Variants in SH3PXD2A observed in about 807,000 individuals in gnomAD.
SH3PXD2A encodes SH3 and PX domains 2A.
SH3PXD2A carries 32 observed loss-of-function variants against 115.2 expected under a neutral mutation model. That is an observed-to-expected ratio of 0.28 (90% CI 0.21 to 0.37). The LOEUF (loss-of-function observed/expected upper bound fraction) is 0.37, where lower values mean the gene tolerates loss of function less well. Among genes scored for constraint, SH3PXD2A ranks in the 10% least tolerant of loss-of-function variants. SH3PXD2A has a pLI of 1.00. For synonymous variants in SH3PXD2A, 610 were observed against 629.1 expected (o/e 0.97, Z 0.45); for missense variants, 1,328 against 1,498.7 (o/e 0.89, Z 1.88).
chr10:103,700,367 A>G (rs1320233668), intron 5 of SH3PXD2A, among the ~76,000 whole-genome samples: 1 of 152,210 alleles, frequency 6.6e-6, no homozygotes, highest in Non-Finnish European at 1.5e-5. Flanking sequence ...GGCCCATGGA[A>G]AGGACCCGTA....
At chr10:103,743,999 G>C (rs184778592) in intron 3 of SH3PXD2A, among the ~76,000 whole-genome samples, 206 of 152,254 alleles carry the variant, frequency 1.4e-3, no homozygotes, top group African/African-American at 4.7e-3. Context: ...GGAGAAGAAC[G>C]GCGGAACAGC....
chr10:103,625,864 T>G (rs2036683862), intron 9 of SH3PXD2A, among the ~76,000 whole-genome samples: 1 of 152,212 alleles, frequency 6.6e-6, no homozygotes, highest in Non-Finnish European at 1.5e-5. Flanking sequence ...CACTTCAGCC[T>G]AGGAGACAGA....
At chr10:103,771,955 G>A (rs559508200) in intron 2 of SH3PXD2A, among the ~76,000 whole-genome samples, 1 of 152,216 alleles carries the variant, frequency 6.6e-6, no homozygotes, top group South Asian at 2.1e-4. Context: ...GCAGAGCCCC[G>A]GAGCTGCTCT....
chr10:103,724,262 T>C lies in SH3PXD2A; in HGVS notation c.398+8A>G. The C allele has an allele frequency of 6.5e-7, 1 of 1,530,800 alleles. No homozygotes were observed. The highest frequency in any genetic ancestry group is 8.8e-7 in the Non-Finnish European group (1 of 1,130,032). The allele number at this position is 1,530,800 out of a possible 1,614,324, so 94.8% of individuals were successfully genotyped here. On this transcript the variant is annotated splice_region_variant and intron_variant, in intron 5 of 14. Coordinates refer to ENST00000369774, the MANE Select transcript of SH3PXD2A (RefSeq NM_001394015.1). ...CAGCACACAGGAGAGGCCTGAGCTA[T>C]TACTTACTCTTTTGGAGGGTTGACA...
intron 4 of SH3PXD2A, among the ~76,000 whole-genome samples, chr10:103,733,969 C>A (rs1420680755): frequency 1.3e-5 from 2 of 151,964 alleles, no homozygotes; most frequent in Non-Finnish European, 2.9e-5. Context: ...GCTACCCAGG[C>A]TGGTCTCAAA....
intron 8 of SH3PXD2A, among the ~76,000 whole-genome samples, chr10:103,642,485 CT>C (rs2036970092): frequency 1.3e-5 from 2 of 152,180 alleles, no homozygotes; most frequent in African/African-American, 2.4e-5. Flanking sequence ...AGATCCTCCC[CT>C]GTATCATGGT....
intron 4 of SH3PXD2A, among the ~76,000 whole-genome samples, chr10:103,730,675 A>G (rs2038305727): frequency 6.6e-6 from 1 of 152,080 alleles, no homozygotes; most frequent in Admixed American, 6.6e-5. Flanking sequence ...AGTTTTGTCT[A>G]CTTGTGATCT....
intron 1 of SH3PXD2A, among the ~76,000 whole-genome samples, chr10:103,803,384 T>C (rs2039166453): frequency 6.6e-6 from 1 of 152,244 alleles, no homozygotes; most frequent in Admixed American, 6.5e-5. Flanking sequence ...TGATACATTG[T>C]AAAACCATTT....
At position 103,674,684 on chromosome 10, in the gene SH3PXD2A, G is replaced by C. The variant is rs144629346; in HGVS notation, c.428-6032C>G. On this transcript the variant is annotated intron_variant, in intron 6 of 14. Coordinates refer to ENST00000369774, the MANE Select transcript of SH3PXD2A (RefSeq NM_001394015.1). Reference sequence around the variant, plus strand: ...AAAATACAAAAATTAGCCAGGCGTGGTGGTGTATGCCTGTAATCCCAGCTA... The same window carrying C: ...AAAATACAAAAATTAGCCAGGCGTGCTGGTGTATGCCTGTAATCCCAGCTA... 2.4e-3 allele frequency among the ~76,000 whole-genome samples: 363 copies of C among 152,222 alleles called. 2 individuals are homozygous for C. The highest frequency in any genetic ancestry group is 8.5e-3 in the African/African-American group (351 of 41,532).
chr10:103,613,322 C>G (rs2036459211), intron 11 of SH3PXD2A, 132 bp from the exon 12 acceptor site: 1 of 659,500 alleles, frequency 1.5e-6, no homozygotes, highest in African/African-American at 1.8e-5. Flanking sequence ...GGCAATCCCA[C>G]TACTCTGGAG....
Position 103,594,559 on chromosome 10 carries a change from A to G in SH3PXD2A, c.*7257T>C, listed in dbSNP as rs1441551901. 6.6e-6 allele frequency: 1 copy of G among 152,258 alleles called. No homozygotes were observed. Among genetic ancestry groups the G allele is most frequent in the Non-Finnish European group, 1.5e-5 (1 of 68,050 alleles). 9.4% of individuals were successfully genotyped at this position (152,258 alleles called of 1,614,324 possible). ...ATGCTCACGCTTCAGGGATTACTGAAGTCTGCCTTGCCCGGGAGTCACTTC... is the reference window on the plus strand; with the variant it reads ...ATGCTCACGCTTCAGGGATTACTGAGGTCTGCCTTGCCCGGGAGTCACTTC... On this transcript the variant is annotated 3_prime_UTR_variant, in exon 15 of 15. Coordinates refer to ENST00000369774, the MANE Select transcript of SH3PXD2A (RefSeq NM_001394015.1).
intron 5 of SH3PXD2A, among the ~76,000 whole-genome samples, chr10:103,718,346 G>C (rs998998286): frequency 3.9e-5 from 6 of 152,112 alleles, no homozygotes; most frequent in Non-Finnish European, 7.3e-5. Flanking sequence ...CCTTCTTTGG[G>C]ATTTGGTGAC....
At chr10:103,823,165 C>G (rs2039398038) in intron 1 of SH3PXD2A, among the ~76,000 whole-genome samples, 1 of 152,200 alleles carries the variant, frequency 6.6e-6, no homozygotes, top group Non-Finnish European at 1.5e-5. Flanking sequence ...ATCAAGTTGT[C>G]CTGGGAATCC....
At chr10:103,641,575 C>A (rs558454283) in intron 8 of SH3PXD2A, among the ~76,000 whole-genome samples, 1 of 151,852 alleles carries the variant, frequency 6.6e-6, no homozygotes, top group South Asian at 2.1e-4. Flanking sequence ...ACCAGCAATG[C>A]CTGCTCTATT....
intron 11 of SH3PXD2A, among the ~76,000 whole-genome samples, chr10:103,616,891 T>C (rs1037925052): frequency 6.6e-6 from 1 of 152,264 alleles, no homozygotes; most frequent in African/African-American, 2.4e-5. Flanking sequence ...CAAATTCAGA[T>C]GTGCTGAGCT....
At chr10:103,736,681 C>G in intron 3 of SH3PXD2A, 1 of 896,500 alleles carries the variant, frequency 1.1e-6, no homozygotes, top group Non-Finnish European at 1.6e-6. Context: ...ATCCACAACT[C>G]GTTGTCCATT....
intron 4 of SH3PXD2A, among the ~76,000 whole-genome samples, chr10:103,730,860 G>A (rs947099969): frequency 2.0e-5 from 3 of 152,288 alleles, no homozygotes; most frequent in South Asian, 2.1e-4. Context: ...CGGGGTGGGC[G>A]CAGTCCTCTG....
At chr10:103,728,876 G>GTTTTTTTTTGTTTT (rs11399791) in intron 4 of SH3PXD2A, among the ~76,000 whole-genome samples, 1 of 142,664 alleles carries the variant, frequency 7.0e-6, no homozygotes. Flanking sequence ...GCAAAGAGTT[G>GTTTTTTTTTGTTTT]TTTTTTTTGT....
chr10:103,668,475 GA>G (rs1397907476), intron 7 of SH3PXD2A, 132 bp downstream of exon 7: 2 of 785,410 alleles, frequency 2.5e-6, no homozygotes, highest in Non-Finnish European at 2.1e-6. Context: ...GCAAGTGGCA[GA>G]CCCCCTGCCA....
Sources: gnomAD v4.1 joint callset for allele counts (sites outside exome capture counted in the v4.1 genomes callset) on GRCh38, gnomAD v4.1.1 for gene constraint, MANE v1.5 for transcripts, NCBI Gene and HGNC (gene_info 2026-07-23, HGNC 2026-07-21) for gene names.